C2orf49: variants seen among roughly 807,000 people sequenced by gnomAD.
C2orf49 encodes tRNA-splicing ligase complex subunit ASW.
C2orf49 carries 11 observed loss-of-function variants against 20.6 expected under a neutral mutation model. The observed-to-expected ratio is 0.53, with a 90% CI of 0.34 to 0.88. C2orf49 has a LOEUF of 0.88. C2orf49 is among the 40% of genes least tolerant of loss of function. C2orf49 has a pLI of 0.02. For missense variants in C2orf49, 289 were observed against 274.2 expected (o/e 1.05, Z -0.38); for synonymous variants, 134 against 108.5 (o/e 1.24, Z -1.46).
the C2orf49 span, chr2:105,361,183 A>T: frequency 1.6e-6 from 2 of 1,225,850 alleles, no homozygotes; most frequent in East Asian, 4.7e-5. Context: ...GAAAGTCTCA[A>T]TGTGGCTGGA....
At chr2:105,339,865 T>A in intron 2 of C2orf49, 116 bp downstream of exon 2, 2 of 887,160 alleles carry the variant, frequency 2.3e-6, no homozygotes, top group South Asian at 2.1e-5. Context: ...AATGACTATC[T>A]ATTGAGCACC....
chr2:105,351,321 C>T (rs1467441257), downstream of C2orf49, among the ~76,000 whole-genome samples: 1 of 122,930 alleles, frequency 8.1e-6, no homozygotes. Context: ...GCGCCCCCCC[C>T]CCCCCAAAAA....
At chr2:105,378,333 C>G in the C2orf49 span, 1 of 383,282 alleles carries the variant, frequency 2.6e-6, no homozygotes, top group South Asian at 2.0e-5. Context: ...TGGAGACCTT[C>G]TGCAGGCGCA....
chr2:105,342,065 G>A (rs1278514688), intron 2 of C2orf49, among the ~76,000 whole-genome samples: 6 of 152,204 alleles, frequency 3.9e-5, no homozygotes, highest in Non-Finnish European at 8.8e-5. Flanking sequence ...CCAGCTATTC[G>A]GGAGGCTGAG....
the C2orf49 span, among the ~76,000 whole-genome samples, chr2:105,368,565 A>G: frequency 6.6e-6 from 1 of 152,212 alleles, no homozygotes; most frequent in Non-Finnish European, 1.5e-5. Context: ...TGTCTTTTGA[A>G]TAACTATTAG....
chr2:105,368,580 T>G, the C2orf49 span, among the ~76,000 whole-genome samples: 1 of 152,192 alleles, frequency 6.6e-6, no homozygotes, highest in African/African-American at 2.4e-5. Context: ...TATTAGCATT[T>G]GATACATTTC....
the C2orf49 span, chr2:105,378,688 T>G: frequency 1.3e-5 from 2 of 154,302 alleles, no homozygotes. Context: ...CCTTTATGAC[T>G]GCACACACAA....
At chr2:105,339,858 G>A (rs1311028943) in intron 2 of C2orf49, 109 bp downstream of exon 2, 2 of 964,124 alleles carry the variant, frequency 2.1e-6, no homozygotes, top group Non-Finnish European at 3.0e-6. Flanking sequence ...TTTACTCAAT[G>A]ACTATCTATT....
At chr2:105,361,173 G>C in the C2orf49 span, 2 of 1,112,534 alleles carry the variant, frequency 1.8e-6, no homozygotes, top group Non-Finnish European at 2.6e-6. Flanking sequence ...AGCACTAGAA[G>C]AAAGTCTCAA....
chr2:105,341,277 T>G (rs1679660321), intron 2 of C2orf49, among the ~76,000 whole-genome samples: 2 of 152,250 alleles, frequency 1.3e-5, no homozygotes. Flanking sequence ...GAAGCAATCT[T>G]TGTACAACTG....
At chr2:105,375,334 C>G in the C2orf49 span, 1 of 152,206 alleles carries the variant, frequency 6.6e-6, no homozygotes, top group Non-Finnish European at 1.5e-5. Flanking sequence ...TGAGGGGTGA[C>G]CTCTTGTGCT....
the C2orf49 span, chr2:105,367,545 A>C: frequency 1.3e-6 from 2 of 1,585,634 alleles, no homozygotes; most frequent in South Asian, 2.3e-5. Context: ...AGAACGTGCA[A>C]GGGCCAAGGG....
the C2orf49 span, among the ~76,000 whole-genome samples, chr2:105,377,552 C>T: frequency 6.6e-5 from 10 of 152,168 alleles, no homozygotes; most frequent in Admixed American, 3.3e-4. Context: ...AATCTTGAAC[C>T]CGGGAGGTGG....
At position 105,346,304 on chromosome 2, in the gene C2orf49, T is replaced by A. The variant is rs1040646591; in HGVS notation, c.*933T>A. The A allele has an allele frequency of 2.0e-5, 3 of 152,210 alleles. No individual in the cohort carries two copies. Among genetic ancestry groups the A allele is most frequent in the Admixed American group, 6.6e-5 (1 of 15,266 alleles). 9.4% of individuals were successfully genotyped at this position (152,210 alleles called of 1,614,324 possible). A position where few individuals can be genotyped will look rare whatever the true frequency, so the allele number is the denominator to read the frequency against. ...AAAAGGAATCAGTGCTTGCTATTGC[T>A]CCTTTCCTTGAAGTTGTAACAATTG... On this transcript the variant is annotated 3_prime_UTR_variant, in exon 4 of 4. Coordinates refer to ENST00000258457, the MANE Select transcript of C2orf49 (RefSeq NM_024093.3).
At chr2:105,376,443 T>C in the C2orf49 span, 9 of 152,218 alleles carry the variant, frequency 5.9e-5, no homozygotes, top group African/African-American at 2.2e-4. Context: ...AGTATTGCCT[T>C]TGTTTAGACT....
the C2orf49 span, chr2:105,361,342 G>GC: frequency 6.2e-7 from 1 of 1,614,028 alleles, no homozygotes; most frequent in Non-Finnish European, 8.5e-7. Flanking sequence ...AGGAAGCCAC[G>GC]CCCCACCAGT....
In C2orf49 at chr2:105,348,571, C is replaced by G. The variant is rs1679870543; in HGVS notation, c.*3200C>G. Reference sequence around the variant, plus strand: ...ATATATATATATGTAAGAGCTTCCTCTATTTACTACTGTTGAACTTCAGTA... The same window carrying G: ...ATATATATATATGTAAGAGCTTCCTGTATTTACTACTGTTGAACTTCAGTA... On this transcript the variant is annotated 3_prime_UTR_variant, in exon 4 of 4. Transcript: ENST00000258457. 1 of 147,150 alleles carries G rather than the reference C, an allele frequency of 6.8e-6. No homozygotes were observed. The highest frequency in any genetic ancestry group is 1.5e-5 in the Non-Finnish European group (1 of 67,132). The allele number at this position is 147,150 out of a possible 1,614,324, so 9.1% of individuals were successfully genotyped here.
At chr2:105,382,120 A>G in the C2orf49 span, among the ~76,000 whole-genome samples, 28 of 152,194 alleles carry the variant, frequency 1.8e-4, no homozygotes, top group Non-Finnish European at 3.5e-4. Context: ...ACCAAACATT[A>G]ACTGAGACTT....
the C2orf49 span, among the ~76,000 whole-genome samples, chr2:105,354,244 G>C: frequency 3.9e-5 from 6 of 152,222 alleles, no homozygotes; most frequent in African/African-American, 1.4e-4. Flanking sequence ...TATATTTAAT[G>C]AGTTTCTTGC....
Sources: gnomAD v4.1 joint callset for allele counts (sites outside exome capture counted in the v4.1 genomes callset) on GRCh38, gnomAD v4.1.1 for gene constraint, MANE v1.5 for transcripts, NCBI Gene and HGNC (gene_info 2026-07-23, HGNC 2026-07-21) for gene names.